Variants in TLE1 observed in about 807,000 individuals in gnomAD.
TLE1 encodes the protein TLE family member 1, transcriptional corepressor, also known as transducin-like enhancer protein 1.
In TLE1, 21 loss-of-function variants were observed where a neutral mutation model predicts 89.8. That is an observed-to-expected ratio of 0.23 (90% CI 0.17 to 0.34). The LOEUF is 0.34. TLE1 is among the 10% of genes least tolerant of loss of function. The pLI is 1.00. For synonymous variants in TLE1, 447 were observed against 407.6 expected, an observed-to-expected ratio of 1.10 and a Z score of -1.16; for missense variants, 795 against 1,031.2, an observed-to-expected ratio of 0.77 and a Z score of 3.14.
rs186851168 is a variant in TLE1, at chr9:81,643,067, C to T, written c.373-8766G>A. Among the ~76,000 whole-genome samples, 36 of 152,134 alleles carry T rather than the reference C, an allele frequency of 2.4e-4. No individual in the cohort carries two copies. The East Asian group carries it at 3.9e-3, about 16-fold the overall frequency. On this transcript the variant is annotated intron_variant, in intron 6 of 19. Coordinates refer to ENST00000376499, the MANE Select transcript of TLE1 (RefSeq NM_005077.5). ...AGAGAGTAGAATGGCGGCTGCCTTG[C>T]GGGGTAGGGGAAAATGAGGAGCAAT...
intron 14 of TLE1, among the ~76,000 whole-genome samples, chr9:81,596,700 G>A (rs1037027461): frequency 1.2e-4 from 18 of 152,188 alleles, no homozygotes; most frequent in Non-Finnish European, 2.4e-4. Flanking sequence ...GGAAATGACC[G>A]CATTTCTAGA....
chr9:81,632,931 G>A (rs1826862404), intron 8 of TLE1, among the ~76,000 whole-genome samples: 1 of 152,052 alleles, frequency 6.6e-6, no homozygotes, highest in Non-Finnish European at 1.5e-5. Flanking sequence ...CTTCACAAAG[G>A]GATTGTGATC....
chr9:81,682,595 G>C (rs943322200), intron 4 of TLE1, among the ~76,000 whole-genome samples: 5 of 152,120 alleles, frequency 3.3e-5, no homozygotes, highest in African/African-American at 1.2e-4. Context: ...TATCAAATGA[G>C]GTAATATCAA....
chr9:81,660,412 T>C (rs931843914), intron 4 of TLE1, among the ~76,000 whole-genome samples: 2 of 151,930 alleles, frequency 1.3e-5, no homozygotes, highest in African/African-American at 4.8e-5. Flanking sequence ...TATTTTTTTA[T>C]TTTATTATTA....
intron 6 of TLE1, among the ~76,000 whole-genome samples, chr9:81,642,619 A>C: frequency 6.6e-6 from 1 of 152,056 alleles, no homozygotes; most frequent in Non-Finnish European, 1.5e-5. Flanking sequence ...GCTTGAACCC[A>C]AGAGATAGAG....
In TLE1 at chr9:81,593,246, C is replaced by A; in HGVS notation, c.1360G>T (p.Gly454Cys). The change falls in exon 15 of 20, where the codon GGT becomes TGT. Residue 454 changes from glycine to cysteine, a missense_variant. Coordinates refer to ENST00000376499, the MANE Select transcript of TLE1 (RefSeq NM_005077.5). ...PAYSFHVTAD[G>C]QMQPVPFPPD... ...GGAAAAGGGACAGGCTGCATCTGAC[C>A]GTCTGCAGTAACGTGGAAGGAGTAT... is the stretch of plus-strand genomic sequence containing the variant. The A allele has an allele frequency of 6.2e-7, 1 of 1,613,812 alleles. No individual in the cohort carries two copies. The highest frequency in any genetic ancestry group is 8.5e-7 in the Non-Finnish European group (1 of 1,179,814).
intron 7 of TLE1, 116 bp downstream of exon 7, chr9:81,633,981 T>C (rs1174981882): frequency 8.6e-7 from 1 of 1,167,300 alleles, no homozygotes; most frequent in East Asian, 2.7e-5. Context: ...ACAGTTCCTC[T>C]TATCTCATTG....
At chr9:81,671,207 C>A (rs1832180919) in intron 4 of TLE1, among the ~76,000 whole-genome samples, 1 of 151,790 alleles carries the variant, frequency 6.6e-6, no homozygotes, top group Non-Finnish European at 1.5e-5. Context: ...GATTTAACAA[C>A]CAGTTCAAAA....
intron 4 of TLE1, among the ~76,000 whole-genome samples, chr9:81,682,655 G>A (rs528151140): frequency 2.2e-4 from 33 of 152,246 alleles, no homozygotes; most frequent in African/African-American, 7.0e-4. Flanking sequence ...ACACACACTA[G>A]GCACAGCTAG....
chr9:81,633,970 G>GC, intron 7 of TLE1, 127 bp downstream of exon 7: 1 of 1,100,872 alleles, frequency 9.1e-7, no homozygotes, highest in Non-Finnish European at 1.2e-6. Context: ...AAAGCTTTGC[G>GC]ACAGTTCCTC....
intron 4 of TLE1, among the ~76,000 whole-genome samples, chr9:81,679,441 TA>T (rs1275017362): frequency 6.6e-6 from 1 of 152,166 alleles, no homozygotes; most frequent in Non-Finnish European, 1.5e-5. Flanking sequence ...ATGAATATCT[TA>T]ATTTATGTTA....
chr9:81,589,148 C>T (rs1587856092), intron 16 of TLE1, among the ~76,000 whole-genome samples: 1 of 152,188 alleles, frequency 6.6e-6, no homozygotes, highest in African/African-American at 2.4e-5. Flanking sequence ...CCCTGCTTCA[C>T]TTGGTGAAAG....
intron 6 of TLE1, among the ~76,000 whole-genome samples, chr9:81,645,231 T>C (rs532760233): frequency 1.1e-4 from 17 of 150,712 alleles, no homozygotes; most frequent in Non-Finnish European, 1.0e-4. Context: ...TGGTGGCGCA[T>C]GTCTGTAATC....
intron 8 of TLE1, among the ~76,000 whole-genome samples, chr9:81,625,862 G>A (rs962277537): frequency 2.2e-5 from 3 of 135,902 alleles, no homozygotes; most frequent in Non-Finnish European, 3.0e-5. Context: ...TAACAGTAAT[G>A]GTTGTTCACA....
intron 12 of TLE1, chr9:81,612,207 G>T: frequency 1.2e-6 from 1 of 805,966 alleles, no homozygotes. Context: ...TGTGTAAATG[G>T]CAGCACCAGG....
At chr9:81,634,373 G>A (rs1031169465) in intron 6 of TLE1, 72 bp from the exon 7 acceptor site, 2 of 1,278,310 alleles carry the variant, frequency 1.6e-6, no homozygotes, top group East Asian at 2.7e-5. Context: ...TGGCGATGGA[G>A]GCGGCATCCA....
chr9:81,589,541 G>A (rs113940353), intron 16 of TLE1, among the ~76,000 whole-genome samples: 54 of 152,220 alleles, frequency 3.5e-4, no homozygotes, highest in African/African-American at 1.3e-3. Context: ...ACGGAGCAAG[G>A]GTTCAGAGTA....
chr9:81,590,747 G>C, intron 16 of TLE1, 58 bp downstream of exon 16: 1 of 1,581,898 alleles, frequency 6.3e-7, no homozygotes, highest in East Asian at 2.2e-5. Flanking sequence ...AGAAGCAGAG[G>C]TGATAGGCCC....
At chr9:81,634,344 G>T in intron 6 of TLE1, 43 bp from the exon 7 acceptor site, 1 of 1,424,572 alleles carries the variant, frequency 7.0e-7, no homozygotes, top group Non-Finnish European at 9.3e-7. Context: ...GGAGGAGGAG[G>T]AGGTAGTGGT....
Sources: gnomAD v4.1 joint callset for allele counts (sites outside exome capture counted in the v4.1 genomes callset) on GRCh38, gnomAD v4.1.1 for gene constraint, MANE v1.5 for transcripts, NCBI Gene and HGNC (gene_info 2026-07-23, HGNC 2026-07-21) for gene names.